The following IQSEC1 variants were observed in gnomAD, a reference collection of about 807,000 sequenced individuals.
The protein encoded by IQSEC1 is IQ motif and Sec7 domain ArfGEF 1.
Under a neutral mutation model 91.0 loss-of-function variants are expected in IQSEC1, and 31 were observed. That is an observed-to-expected ratio of 0.34 (90% CI 0.26 to 0.46). The LOEUF (loss-of-function observed/expected upper bound fraction) is 0.46. Ranked by LOEUF, IQSEC1 falls within the 20% of genes least tolerant of loss-of-function variation. The probability of loss-of-function intolerance (pLI) is 1.00; values close to 1 mark genes in which losing one functional copy is unlikely to be tolerated. For missense variants in IQSEC1, 1,388 were observed against 1,575.6 expected (o/e 0.88, Z 2.02); for synonymous variants, 699 against 662.6 (o/e 1.05, Z -0.84).
At chr3:13,061,221 A>G (rs1705058754) in intron 1 of IQSEC1, among the ~76,000 whole-genome samples, 1 of 152,140 alleles carries the variant, frequency 6.6e-6, no homozygotes, top group South Asian at 2.1e-4. Context: ...CAGAGCCGGC[A>G]GCATGGGCAT....
At chr3:13,240,197 A>G (rs1559284208) in intron 1 of IQSEC1, among the ~76,000 whole-genome samples, 1 of 151,972 alleles carries the variant, frequency 6.6e-6, no homozygotes. Flanking sequence ...TGGGCAACAT[A>G]GCAGGACCCC....
Position 13,259,876 on chromosome 3 carries a change from A to G in IQSEC1, c.272+22835T>C, listed in dbSNP as rs1576313821. On this transcript the variant is annotated intron_variant, in intron 1 of 15. Coordinates refer to the IQSEC1 transcript ENST00000648114. The surrounding 1 kb of genome is among the most constrained non-coding windows in gnomAD (Gnocchi z 4.6). ...AGCGGGAGAAGTTTCTACCATATAC[A>G]GTTATTAATGACTTTATTTATATAC... is the stretch of plus-strand genomic sequence containing the variant. 6.6e-6 allele frequency among the ~76,000 whole-genome samples: 1 copy of G among 152,252 alleles called. No homozygotes were observed. The highest frequency in any genetic ancestry group is 2.4e-5 in the African/African-American group (1 of 41,470).
intron 1 of IQSEC1, among the ~76,000 whole-genome samples, chr3:12,947,816 G>A (rs2125400987): frequency 6.6e-6 from 1 of 152,336 alleles, no homozygotes; most frequent in Non-Finnish European, 1.5e-5. Flanking sequence ...TCACTGAAAG[G>A]TCGCCAAGCT....
chr3:13,117,565 G>A (rs1268085201), intron 2 of IQSEC1, among the ~76,000 whole-genome samples: 5 of 59,032 alleles, frequency 8.5e-5, no homozygotes, highest in South Asian at 7.3e-4. Flanking sequence ...GCAAGACTCC[G>A]TCTCAAAAAA....
intron 9 of IQSEC1, 83 bp from the exon 10 acceptor site, chr3:12,911,811 T>C (rs919495100): frequency 4.2e-6 from 4 of 956,016 alleles, no homozygotes; most frequent in Non-Finnish European, 6.7e-6. Flanking sequence ...AGGATCCTCC[T>C]GGAGTTCAAA....
chr3:12,972,146 C>CA (rs375468102), intron 1 of IQSEC1, among the ~76,000 whole-genome samples: 6 of 149,496 alleles, frequency 4.0e-5, no homozygotes, highest in South Asian at 2.1e-4. Context: ...CCCATCTCTA[C>CA]AAAAAAACAG....
intron 2 of IQSEC1, among the ~76,000 whole-genome samples, chr3:13,109,705 G>A (rs1231423576): frequency 1.3e-5 from 2 of 151,664 alleles, no homozygotes; most frequent in South Asian, 2.1e-4. Flanking sequence ...TCCACCATGA[G>A]TGGAAGCTCC....
chr3:13,204,731 TTCTA>T (rs1469552109), intron 1 of IQSEC1, among the ~76,000 whole-genome samples: 9 of 151,626 alleles, frequency 5.9e-5, no homozygotes, highest in South Asian at 2.1e-4. Flanking sequence ...ATCTCTTTCT[TTCTA>T]TCTTACTTTC....
At chr3:13,263,028 A>T (rs1490337924) in intron 1 of IQSEC1, among the ~76,000 whole-genome samples, 1 of 152,246 alleles carries the variant, frequency 6.6e-6, no homozygotes. Flanking sequence ...TGGACAGATC[A>T]CATGAGGCCA....
chr3:13,075,085 C>T (rs922803842), upstream of IQSEC1, among the ~76,000 whole-genome samples: 1 of 152,204 alleles, frequency 6.6e-6, no homozygotes, highest in Non-Finnish European at 1.5e-5. Flanking sequence ...CTTCCTGTAG[C>T]ACGGACCTCC....
chr3:13,277,272 C>G (rs559986427), intron 1 of IQSEC1, among the ~76,000 whole-genome samples: 1 of 152,192 alleles, frequency 6.6e-6, no homozygotes, highest in South Asian at 2.1e-4. Flanking sequence ...CCAACGTGAC[C>G]GACCCCTCTC....
intron 8 of IQSEC1, among the ~76,000 whole-genome samples, chr3:12,914,698 C>T (rs1399888587): frequency 6.6e-6 from 1 of 152,034 alleles, no homozygotes; most frequent in African/African-American, 2.4e-5. Context: ...CGTGTGGGCA[C>T]ACCACAAAGC....
intron 1 of IQSEC1, among the ~76,000 whole-genome samples, chr3:13,216,990 C>T (rs12632077): frequency 0.2 from 30,390 of 152,006 alleles, 4,322 homozygotes; most frequent in African/African-American, 0.39. Flanking sequence ...ATGACAGGAG[C>T]CCAATGGTGG....
chr3:12,916,505 C>T (rs1433171962), intron 6 of IQSEC1, among the ~76,000 whole-genome samples: 1 of 152,216 alleles, frequency 6.6e-6, no homozygotes, highest in Non-Finnish European at 1.5e-5. Flanking sequence ...TCTACCCTCA[C>T]CCATCCGCCA....
intron 1 of IQSEC1, among the ~76,000 whole-genome samples, chr3:12,972,130 C>CA (rs1400438426): frequency 6.7e-6 from 1 of 150,216 alleles, no homozygotes; most frequent in African/African-American, 2.5e-5. Context: ...GGCAACATGT[C>CA]AAAATCCCAT....
At chr3:12,993,226 G>C (rs1702069573) in intron 1 of IQSEC1, among the ~76,000 whole-genome samples, 1 of 152,204 alleles carries the variant, frequency 6.6e-6, no homozygotes, top group Non-Finnish European at 1.5e-5. Context: ...CTGAGAACCA[G>C]TCTCTTCCCC....
At chr3:13,082,785 CT>C (rs1359037099) in intron 2 of IQSEC1, among the ~76,000 whole-genome samples, 1 of 152,234 alleles carries the variant, frequency 6.6e-6, no homozygotes, top group African/African-American at 2.4e-5. Flanking sequence ...ACGCCTCCCC[CT>C]GCCCCTCCTG....
chr3:12,900,433 A>G lies in IQSEC1; in HGVS notation c.*550T>C, dbSNP rs555867903. The G allele has an allele frequency of 5.7e-5, 52 of 919,916 alleles. No individual in the cohort carries two copies. The African/African-American group carries it at 9.0e-4, about 16-fold the overall frequency. 57.0% of individuals were successfully genotyped at this position (919,916 alleles called of 1,614,324 possible). A position where few individuals can be genotyped will look rare whatever the true frequency, so the allele number is the denominator to read the frequency against. ...GGACTGAAACGCCTGCCTTTCACAC[A>G]CAAGTACTACCTATACAGTATATAT... On this transcript the variant is annotated 3_prime_UTR_variant, in exon 14 of 14. Coordinates refer to ENST00000613206, the MANE Select transcript of IQSEC1 (RefSeq NM_001134382.3).
Position 12,900,672 on chromosome 3 carries a change from G to T in IQSEC1, c.*311C>A. On this transcript the variant is annotated 3_prime_UTR_variant, in exon 14 of 14. Transcript: ENST00000613206. Reference sequence around the variant, plus strand: ...TACATTAGGGCACAGGGAGCTGAGAGCTGGAGTGGGGGAGGCAGTTCAACA... The same window carrying T: ...TACATTAGGGCACAGGGAGCTGAGATCTGGAGTGGGGGAGGCAGTTCAACA... The T allele has an allele frequency of 7.7e-7, 1 of 1,302,232 alleles. No individual in the cohort carries two copies. The highest frequency in any genetic ancestry group is 9.8e-7 in the Non-Finnish European group (1 of 1,021,830). The allele number at this position is 1,302,232 out of a possible 1,614,324, so 80.7% of individuals were successfully genotyped here.
Sources: gnomAD v4.1 joint callset for allele counts (sites outside exome capture counted in the v4.1 genomes callset) on GRCh38, gnomAD v4.1.1 for gene constraint, Gnocchi (gnomAD v3.1) non-coding constraint, MANE v1.5 for transcripts, NCBI Gene and HGNC (gene_info 2026-07-23, HGNC 2026-07-21) for gene names.